RAB22A: variants seen among roughly 807,000 people sequenced by gnomAD.
RAB22A encodes ras-related protein Rab-22A.
Under a neutral mutation model 30.2 loss-of-function variants are expected in RAB22A, and 13 were observed. The observed-to-expected ratio is 0.43, with a 90% confidence interval of 0.28 to 0.68. RAB22A has a LOEUF of 0.68. RAB22A is among the 30% of genes least tolerant of loss of function. The probability of loss-of-function intolerance (pLI) is 0.18; values close to 1 mark genes in which losing one functional copy is unlikely to be tolerated. For missense variants in RAB22A, 177 were observed against 246.8 expected, an observed-to-expected ratio of 0.72 and a Z score of 1.89; for synonymous variants, 89 against 87.2, an observed-to-expected ratio of 1.02 and a Z score of -0.11.
At position 58,366,674 on chromosome 20, in the gene RAB22A, G is replaced by A. The variant is rs550828458; in HGVS notation, c.*6971G>A. The A allele has an allele frequency of 4.6e-5, 7 of 152,344 alleles. No individual in the cohort carries two copies. The South Asian group carries it at 1.2e-3, about 27-fold the overall frequency. 9.4% of individuals were successfully genotyped at this position (152,344 alleles called of 1,614,324 possible). ...TAAAATAAGAAACACAGAGGCCAGT[G>A]TTAGGTGAAGAACTCCGCTGCTTCA... is the stretch of plus-strand genomic sequence containing the variant. On this transcript the variant is annotated 3_prime_UTR_variant, in exon 7 of 7. Coordinates refer to ENST00000244040, the MANE Select transcript of RAB22A (RefSeq NM_020673.3).
chr20:58,331,075 C>T (rs1213066123), intron 2 of RAB22A, among the ~76,000 whole-genome samples: 1 of 152,168 alleles, frequency 6.6e-6, no homozygotes, highest in Non-Finnish European at 1.5e-5. Flanking sequence ...CACTTTCTTC[C>T]TCTCTTACTG....
At chr20:58,322,208 C>G (rs1470177191) in intron 2 of RAB22A, among the ~76,000 whole-genome samples, 1 of 152,200 alleles carries the variant, frequency 6.6e-6, no homozygotes. Context: ...TTAATTTAAG[C>G]TCTTTGGCAT....
chr20:58,343,195 G>C (rs1174773857), intron 2 of RAB22A, among the ~76,000 whole-genome samples: 1 of 152,112 alleles, frequency 6.6e-6, no homozygotes, highest in Non-Finnish European at 1.5e-5. Context: ...TGGTGCAGCT[G>C]TTACTTCTCC....
Position 58,364,155 on chromosome 20 carries a change from G to T in RAB22A, c.*4452G>T, listed in dbSNP as rs932643282. 6 of 152,644 alleles carry T rather than the reference G, an allele frequency of 3.9e-5. No individual in the cohort carries two copies. The highest frequency in any genetic ancestry group is 2.0e-4 in the Admixed American group (3 of 15,280). 9.5% of individuals were successfully genotyped at this position (152,644 alleles called of 1,614,324 possible). A position where few individuals can be genotyped will look rare whatever the true frequency, so the allele number is the denominator to read the frequency against. On this transcript the variant is annotated 3_prime_UTR_variant, in exon 7 of 7. Transcript: ENST00000244040. ...TTTTTTCAGTCTAAGAGAATGATAA[G>T]TGAGAGGCCTATTGTGATGAAGTTG...
intron 2 of RAB22A, among the ~76,000 whole-genome samples, chr20:58,328,472 C>A (rs1235915950): frequency 6.6e-6 from 1 of 152,106 alleles, no homozygotes; most frequent in Non-Finnish European, 1.5e-5. Context: ...GAACCAGTGT[C>A]CAGCTACATT....
At chr20:58,315,319 A>C (rs1237806735) in intron 2 of RAB22A, among the ~76,000 whole-genome samples, 1 of 152,048 alleles carries the variant, frequency 6.6e-6, no homozygotes, top group Non-Finnish European at 1.5e-5. Flanking sequence ...TGTGACCTCC[A>C]AGCCCATGCC....
intron 3 of RAB22A, among the ~76,000 whole-genome samples, chr20:58,345,255 G>T (rs1197517634): frequency 6.6e-6 from 1 of 152,030 alleles, no homozygotes; most frequent in Non-Finnish European, 1.5e-5. Flanking sequence ...ATCAGAGCCT[G>T]TCCTGGTATA....
intron 6 of RAB22A, among the ~76,000 whole-genome samples, chr20:58,357,060 G>T (rs1339364876): frequency 2.0e-5 from 3 of 152,142 alleles, no homozygotes; most frequent in Non-Finnish European, 4.4e-5. Flanking sequence ...GCTTGTCATT[G>T]AGTATGCATG....
intron 6 of RAB22A, among the ~76,000 whole-genome samples, chr20:58,354,838 A>G (rs1296908966): frequency 1.3e-5 from 2 of 152,224 alleles, no homozygotes; most frequent in African/African-American, 2.4e-5. Flanking sequence ...GCTCAGGGGA[A>G]ATAGCCGTGA....
At chr20:58,324,125 A>T (rs148279667) in intron 2 of RAB22A, among the ~76,000 whole-genome samples, 2 of 152,234 alleles carry the variant, frequency 1.3e-5, no homozygotes, top group Non-Finnish European at 2.9e-5. Flanking sequence ...TGTGGAAGAG[A>T]CTGTATAAAA....
intron 1 of RAB22A, among the ~76,000 whole-genome samples, chr20:58,310,271 C>G (rs897005291): frequency 3.3e-5 from 5 of 152,104 alleles, no homozygotes; most frequent in Admixed American, 3.3e-4. Flanking sequence ...AGCAAACAGC[C>G]CCCCCTTGCC....
At chr20:58,344,236 T>C (rs187713719) in intron 3 of RAB22A, among the ~76,000 whole-genome samples, 2 of 152,320 alleles carry the variant, frequency 1.3e-5, no homozygotes, top group South Asian at 2.1e-4. Context: ...GTGAAAAGGA[T>C]AAGCTAACAC....
intron 2 of RAB22A, among the ~76,000 whole-genome samples, chr20:58,326,215 TGATAACGTA>T (rs1270487693): frequency 1.3e-5 from 2 of 152,166 alleles, no homozygotes; most frequent in Non-Finnish European, 2.9e-5. Context: ...GATTTGATTT[TGATAACGTA>T]GATTCCATAT....
chr20:58,338,232 G>C (rs1169330950), intron 2 of RAB22A, among the ~76,000 whole-genome samples: 6 of 152,014 alleles, frequency 3.9e-5, no homozygotes, highest in African/African-American at 4.8e-5. Context: ...TCACCATGTT[G>C]GTCAAACTGG....
chr20:58,351,050 G>A (rs758964080), intron 3 of RAB22A, among the ~76,000 whole-genome samples: 2 of 152,110 alleles, frequency 1.3e-5, no homozygotes, highest in African/African-American at 2.4e-5. Context: ...GTAGAAAAAC[G>A]TGCAGTAGTC....
At chr20:58,322,013 G>T (rs1361671489) in intron 2 of RAB22A, among the ~76,000 whole-genome samples, 1 of 152,086 alleles carries the variant, frequency 6.6e-6, no homozygotes, top group Admixed American at 6.5e-5. Context: ...GCCCAGGCTG[G>T]TCTCAAACCC....
At chr20:58,355,772 C>T (rs1373674881) in intron 6 of RAB22A, among the ~76,000 whole-genome samples, 1 of 152,104 alleles carries the variant, frequency 6.6e-6, no homozygotes, top group Non-Finnish European at 1.5e-5. Context: ...TGCAGTAAGC[C>T]ATTGATTGCA....
At chr20:58,354,323 T>G in intron 6 of RAB22A, 58 bp downstream of exon 6, 6 of 1,182,846 alleles carry the variant, frequency 5.1e-6, no homozygotes, top group Non-Finnish European at 7.3e-6. Flanking sequence ...CACAGAATGA[T>G]CTTCCTGGTT....
At position 58,359,626 on chromosome 20, in the gene RAB22A, G is replaced by A. The variant is rs1369184425; in HGVS notation, c.508G>A (p.Asp170Asn). Reference protein sequence around the residue: ...IEISRRIPSTDANLPSGGKGF... With the variant: ...IEISRRIPSTNANLPSGGKGF... ...TTTAGGTCGAAGAATTCCATCCACTGACGCCAACCTGCCATCTGGCGGTAA... is the reference window on the plus strand; with the variant it reads ...TTTAGGTCGAAGAATTCCATCCACTAACGCCAACCTGCCATCTGGCGGTAA... Residue 170 changes from aspartate to asparagine, a missense_variant, in exon 7 of 7, where the codon GAC becomes AAC. Coordinates refer to ENST00000244040, the MANE Select transcript of RAB22A (RefSeq NM_020673.3). 1.6e-5 allele frequency: 26 copies of A among 1,610,096 alleles called. No homozygotes were observed. Among genetic ancestry groups the A allele is most frequent in the Non-Finnish European group, 2.1e-5 (25 of 1,177,278 alleles).
Sources: gnomAD v4.1 joint callset for allele counts (sites outside exome capture counted in the v4.1 genomes callset) on GRCh38, gnomAD v4.1.1 for gene constraint, MANE v1.5 for transcripts, NCBI Gene and HGNC (gene_info 2026-07-23, HGNC 2026-07-21) for gene names.